Variants in DNAH6 observed in about 807,000 individuals in gnomAD.
The protein encoded by DNAH6 is axonemal beta dynein heavy chain 6.
In DNAH6, 340 loss-of-function variants were observed where a neutral mutation model predicts 491.4. The observed-to-expected ratio is 0.69, with a 90% CI of 0.63 to 0.76. DNAH6 has a LOEUF of 0.76. Ranked by LOEUF, DNAH6 falls within the 30% of genes least tolerant of loss-of-function variation. The pLI, the probability that DNAH6 is intolerant of heterozygous loss-of-function variation, is 0.00. For synonymous variants in DNAH6, 1,603 were observed against 1,686.1 expected, an observed-to-expected ratio of 0.95 and a Z score of 1.21; for missense variants, 4,443 against 4,972.2, an observed-to-expected ratio of 0.89 and a Z score of 3.20.
intron 64 of DNAH6, among the ~76,000 whole-genome samples, chr2:84,780,448 T>C (rs116317623): frequency 0.027 from 4,098 of 152,276 alleles, 79 homozygotes; most frequent in South Asian, 0.06. Context: ...CCAATTGTAT[T>C]TTGAAACTCC....
Position 84,736,314 on chromosome 2 carries a change from C to CT in DNAH6, c.10342+2737dup, listed in dbSNP as rs369550031. Among the ~76,000 whole-genome samples, 81 of 152,130 alleles carry CT rather than the reference C, an allele frequency of 5.3e-4. 1 individual carries two copies. The East Asian group carries it at 0.013, about 24-fold the overall frequency. ...CTTTGTCCTTTTTTACTAGGATTGC[C>CT]TTGGCTGTTTGGGCATATTTTTTGT... On this transcript the variant is annotated intron_variant, in intron 62 of 76. Coordinates refer to ENST00000389394, the MANE Select transcript of DNAH6 (RefSeq NM_001370.2).
In DNAH6 at chr2:84,614,114, T is replaced by C. The variant is rs185912992; in HGVS notation, c.3475+2260T>C. 8.1e-5 allele frequency among the ~76,000 whole-genome samples: 12 copies of C among 147,316 alleles called. No homozygotes were observed. In the East Asian group the frequency reaches 2.3e-3, roughly 29 times the overall value. On this transcript the variant is annotated intron_variant, in intron 22 of 76. Transcript: ENST00000389394. The stretch of plus-strand genomic sequence containing the variant: ...TTCTTTAGTGGTGATTTCTGAGATT[T>C]TGGTGCACCCACCACCCGCACAGTG...
rs566386110 is a variant in DNAH6, at chr2:84,665,186, G to A, written c.6085-4103G>A. ...TGACACCCTAGCATCACAATTAAAA[G>A]AACTAGAGAAGCAAGAGCAAACACA... On this transcript the variant is annotated intron_variant, in intron 37 of 76. Coordinates refer to ENST00000389394, the MANE Select transcript of DNAH6 (RefSeq NM_001370.2). Among the ~76,000 whole-genome samples, 480 of 152,264 alleles carry A rather than the reference G, an allele frequency of 3.2e-3. 2 individuals are homozygous for A. Among genetic ancestry groups the A allele is most frequent in the African/African-American group, 0.011 (466 of 41,550 alleles).
intron 14 of DNAH6, among the ~76,000 whole-genome samples, chr2:84,580,756 AC>A (rs1682940903): frequency 2.3e-5 from 1 of 44,072 alleles, no homozygotes; most frequent in African/African-American, 3.7e-5. Flanking sequence ...GCCACTTCAA[AC>A]AAATAACCCA....
chr2:84,804,629 A>C (rs1180395203), intron 70 of DNAH6, among the ~76,000 whole-genome samples: 1 of 152,088 alleles, frequency 6.6e-6, no homozygotes, highest in African/African-American at 2.4e-5. Context: ...AAGTTAATTG[A>C]ATAAAAGAAT....
intron 64 of DNAH6, among the ~76,000 whole-genome samples, chr2:84,763,594 TCATGGAGTGG>T (rs1382364796): frequency 2.6e-5 from 4 of 152,140 alleles, no homozygotes; most frequent in Non-Finnish European, 5.9e-5. Flanking sequence ...ATGGGTTCCT[TCATGGAGTGG>T]CTGGTCTGGC....
intron 11 of DNAH6, among the ~76,000 whole-genome samples, chr2:84,560,890 C>T (rs6547567): frequency 0.92 from 139,247 of 151,206 alleles, 64,340 homozygotes; most frequent in East Asian, 1. Context: ...TCCAAGTCTT[C>T]GCTATTGTGA....
At chr2:84,497,854 T>C in the DNAH6 span, among the ~76,000 whole-genome samples, 1 of 152,182 alleles carries the variant, frequency 6.6e-6, no homozygotes, top group Admixed American at 6.5e-5. Flanking sequence ...TGGCAATAGA[T>C]GGCATTAGAA....
At chr2:84,668,021 A>G (rs1692334226) in intron 37 of DNAH6, among the ~76,000 whole-genome samples, 1 of 152,100 alleles carries the variant, frequency 6.6e-6, no homozygotes. Flanking sequence ...GTTCTCATTC[A>G]TAGGTGGGAA....
chr2:84,539,051 C>T (rs1198978967), intron 4 of DNAH6, among the ~76,000 whole-genome samples: 1 of 151,970 alleles, frequency 6.6e-6, no homozygotes, highest in Non-Finnish European at 1.5e-5. Flanking sequence ...ATCAAAAAAA[C>T]CTCACCAGGT....
chr2:84,544,267 T>A lies in DNAH6; in HGVS notation c.697T>A (p.Tyr233Asn), dbSNP rs1678554183. Residue 233 changes from tyrosine to asparagine, a missense_variant, in exon 5 of 77, where the codon TAC becomes AAC. This residue lies in a region of DNAH6 where 2,977 missense variants were observed against 3,296.6 expected (regional missense o/e 0.90). Coordinates refer to ENST00000389394, the MANE Select transcript of DNAH6 (RefSeq NM_001370.2). ...TTATGAGAACATCAATAAAAATGAC[T>A]ACTATACTATTAGCCAAAGGGCAGT... ...VSYENINKND[Y>N]YTISQRAVTH... 10 of 1,502,686 alleles carry A rather than the reference T, an allele frequency of 6.7e-6. No homozygotes were observed. The highest frequency in any genetic ancestry group is 9.1e-6 in the Non-Finnish European group (10 of 1,103,702). The allele number at this position is 1,502,686 out of a possible 1,614,324, so 93.1% of individuals were successfully genotyped here.
At chr2:84,815,622 CAG>C (rs2105349128) in intron 75 of DNAH6, among the ~76,000 whole-genome samples, 1 of 152,298 alleles carries the variant, frequency 6.6e-6, no homozygotes, top group East Asian at 1.9e-4. Context: ...CTAAGAATAA[CAG>C]ACGATGATCT....
intron 56 of DNAH6, among the ~76,000 whole-genome samples, chr2:84,712,671 G>A (rs1308075810): frequency 6.6e-6 from 1 of 152,208 alleles, no homozygotes; most frequent in Non-Finnish European, 1.5e-5. Context: ...TAGTTCAAGA[G>A]TCATAGAAAA....
chr2:84,692,324 A>G lies in DNAH6; in HGVS notation c.7293-1925A>G, dbSNP rs181184078. ...TTTTCTCTCATGAGTTACAGTGACC[A>G]TGTGATGTTTTCATAATCAAAAAAT... On this transcript the variant is annotated intron_variant, in intron 45 of 76. Transcript: ENST00000389394. 1.0e-3 allele frequency among the ~76,000 whole-genome samples: 158 copies of G among 152,322 alleles called. 1 individual carries two copies. The highest frequency in any genetic ancestry group is 3.6e-3 in the African/African-American group (148 of 41,576).
intron 64 of DNAH6, chr2:84,778,222 A>T: frequency 6.2e-6 from 4 of 650,236 alleles, no homozygotes; most frequent in Non-Finnish European, 8.6e-6. Context: ...GAGAGTTGCC[A>T]TATTGGACTT....
chr2:84,616,940 G>A lies in DNAH6; in HGVS notation c.3530G>A (p.Cys1177Tyr), dbSNP rs1275743691. ...NNALLDQIQK[C>Y]LEAYLESKRV... The stretch of plus-strand genomic sequence containing the variant: ...GCATTACTTGACCAAATTCAGAAGT[G>A]CCTAGAGGCATACTTAGAATCAAAA... The change falls in exon 23 of 77, where the codon TGC (cysteine) becomes TAC (tyrosine). Residue 1177 changes from cysteine (C) to tyrosine (Y), a missense_variant. By Grantham distance (194) the Cys-to-Tyr change is radical. This residue lies in a region of DNAH6 where 2,977 missense variants were observed against 3,296.6 expected (regional missense o/e 0.90). Transcript: ENST00000389394. 1.3e-6 allele frequency: 2 copies of A among 1,503,592 alleles called. No homozygotes were observed. Among genetic ancestry groups the A allele is most frequent in the Non-Finnish European group, 8.9e-7 (1 of 1,129,572 alleles). 93.1% of individuals were successfully genotyped at this position (1,503,592 alleles called of 1,614,324 possible).
intron 47 of DNAH6, among the ~76,000 whole-genome samples, chr2:84,698,581 A>G (rs1229906467): frequency 6.6e-6 from 1 of 152,250 alleles, no homozygotes; most frequent in African/African-American, 2.4e-5. Flanking sequence ...CCTCCATCAC[A>G]TCAGGAAGCA....
chr2:84,685,987 G>A (rs1459357386), intron 43 of DNAH6, among the ~76,000 whole-genome samples: 1 of 152,108 alleles, frequency 6.6e-6, no homozygotes, highest in African/African-American at 2.4e-5. Flanking sequence ...AGGAGTTCAA[G>A]ACCAGTCTGG....
chr2:84,685,203 G>C lies in DNAH6; in HGVS notation c.6917-123G>C, dbSNP rs1028727638. The C allele has an allele frequency of 5.0e-6, 3 of 599,942 alleles. No individual in the cohort carries two copies. In the African/African-American group the frequency reaches 5.5e-5, roughly 11 times the overall value. 37.2% of individuals were successfully genotyped at this position (599,942 alleles called of 1,614,324 possible). On this transcript the variant is annotated intron_variant, in intron 42 of 76. Coordinates refer to ENST00000389394, the MANE Select transcript of DNAH6 (RefSeq NM_001370.2). ...TTAGTATATGTGTATATCCACTGGG[G>C]AAGCAGTCATTTTTGGCAATATGAG... is the stretch of plus-strand genomic sequence containing the variant.
Sources: gnomAD v4.1 joint callset for allele counts (sites outside exome capture counted in the v4.1 genomes callset) on GRCh38, gnomAD v4.1.1 for gene constraint, gnomAD v4.1.1 regional missense constraint, MANE v1.5 for transcripts, NCBI Gene and HGNC (gene_info 2026-07-23, HGNC 2026-07-21) for gene names.